The following ATXN1 variants were observed in gnomAD, a reference collection of about 807,000 sequenced individuals.
ATXN1 encodes ataxin 1.
In ATXN1, 8 loss-of-function variants were observed where a neutral mutation model predicts 56.4. That is an observed-to-expected ratio of 0.14 (90% CI 0.08 to 0.26). The LOEUF is 0.26. ATXN1 is among the 10% of genes least tolerant of loss of function. ATXN1 has a pLI of 1.00. For missense variants in ATXN1, 987 were observed against 1,106.5 expected, an observed-to-expected ratio of 0.89 and a Z score of 1.53; for synonymous variants, 514 against 494.6, an observed-to-expected ratio of 1.04 and a Z score of -0.52.
At chr6:16,599,837 C>T (rs1762882750) in intron 3 of ATXN1, among the ~76,000 whole-genome samples, 1 of 152,182 alleles carries the variant, frequency 6.6e-6, no homozygotes, top group South Asian at 2.1e-4. Context: ...AAGACATCAG[C>T]CCTTCTGTTC....
chr6:16,631,595 G>C (rs1763504226), intron 3 of ATXN1, among the ~76,000 whole-genome samples: 1 of 152,126 alleles, frequency 6.6e-6, no homozygotes, highest in Non-Finnish European at 1.5e-5. Flanking sequence ...AAGTCTCCAG[G>C]ATACCTGTCT....
At position 16,625,073 on chromosome 6, in the gene ATXN1, G is replaced by C. The variant is rs151215786; in HGVS notation, c.-489+32703C>G. Among the ~76,000 whole-genome samples the C allele has an allele frequency of 3.1e-3, 474 of 152,282 alleles. 3 individuals are homozygous for C. Among genetic ancestry groups the C allele is most frequent in the African/African-American group, 0.011 (443 of 41,570 alleles). On this transcript the variant is annotated intron_variant, in intron 3 of 7. Coordinates refer to ENST00000436367, the MANE Select transcript of ATXN1 (RefSeq NM_001128164.2). ...TTACTGGGAATGGAAAAACAGCCAA[G>C]CCTCTTTGATGCCATCCTTATGCCT...
intron 3 of ATXN1, among the ~76,000 whole-genome samples, chr6:16,634,330 C>T (rs1763556055): frequency 6.6e-6 from 1 of 152,138 alleles, no homozygotes. Context: ...GCAGGTTCTC[C>T]TCTTTTCTGG....
chr6:16,685,235 C>A (rs960856874), intron 2 of ATXN1, among the ~76,000 whole-genome samples: 2 of 152,198 alleles, frequency 1.3e-5, no homozygotes, highest in African/African-American at 4.8e-5. Flanking sequence ...TTGTAATACA[C>A]ACTGATCATA....
chr6:16,651,760 A>C (rs1763898412), intron 3 of ATXN1, among the ~76,000 whole-genome samples: 1 of 152,214 alleles, frequency 6.6e-6, no homozygotes, highest in Admixed American at 6.5e-5. Flanking sequence ...TTAAACTCTG[A>C]AGAGAAAGAG....
chr6:16,661,916 C>T (rs188510869), intron 2 of ATXN1, among the ~76,000 whole-genome samples: 17 of 152,278 alleles, frequency 1.1e-4, no homozygotes, highest in South Asian at 6.2e-4. Context: ...GAGCTAGAGA[C>T]ACCCAGCTAT....
chr6:16,561,850 G>A (rs1176842932), intron 4 of ATXN1, among the ~76,000 whole-genome samples: 1 of 152,110 alleles, frequency 6.6e-6, no homozygotes, highest in Non-Finnish European at 1.5e-5. Context: ...ATATAATTAT[G>A]GGGAAGCCTG....
intron 2 of ATXN1, among the ~76,000 whole-genome samples, chr6:16,705,309 G>A: frequency 6.6e-6 from 1 of 152,162 alleles, no homozygotes; most frequent in Non-Finnish European, 1.5e-5. Context: ...TCCTCTGTGA[G>A]GTGACTCAAC....
At chr6:16,700,989 A>AG (rs1408988210) in intron 2 of ATXN1, among the ~76,000 whole-genome samples, 1 of 152,048 alleles carries the variant, frequency 6.6e-6, no homozygotes, top group African/African-American at 2.4e-5. Context: ...TGGAAAAAAA[A>AG]AAAACAAAAA....
At chr6:16,540,057 G>A (rs1488501015) in intron 4 of ATXN1, among the ~76,000 whole-genome samples, 4 of 152,086 alleles carry the variant, frequency 2.6e-5, no homozygotes, top group Admixed American at 6.5e-5. Flanking sequence ...CTTTCCGCTC[G>A]AACACGGGAT....
intron 3 of ATXN1, among the ~76,000 whole-genome samples, chr6:16,607,528 G>A (rs1283976762): frequency 6.6e-6 from 1 of 152,142 alleles, no homozygotes; most frequent in African/African-American, 2.4e-5. Flanking sequence ...CTTCAAAATG[G>A]AATGTCAGTG....
rs148217315 is a variant in ATXN1, at chr6:16,630,246, G to A, written c.-489+27530C>T. ...CTTCTGCATTGTATGACTCTCTTGA[G>A]GCAAACAGGAAAAACCTGTATCTGC... is the stretch of plus-strand genomic sequence containing the variant. On this transcript the variant is annotated intron_variant, in intron 3 of 7. Coordinates refer to ENST00000436367, the MANE Select transcript of ATXN1 (RefSeq NM_001128164.2). 3.3e-4 allele frequency among the ~76,000 whole-genome samples: 51 copies of A among 152,260 alleles called. 2 individuals are homozygous for A. In the East Asian group the frequency reaches 7.7e-3, roughly 23 times the overall value.
intron 4 of ATXN1, among the ~76,000 whole-genome samples, chr6:16,525,500 T>C (rs546672960): frequency 2.7e-5 from 4 of 150,516 alleles, no homozygotes; most frequent in Non-Finnish European, 5.9e-5. Flanking sequence ...ACACAGAGAG[T>C]AGGAGGATGG....
intron 6 of ATXN1, among the ~76,000 whole-genome samples, chr6:16,345,910 T>TC (rs1399933270): frequency 1.3e-5 from 2 of 151,702 alleles, no homozygotes; most frequent in Non-Finnish European, 2.9e-5. Flanking sequence ...CTGCTCCTCC[T>TC]CCCCCAGCTC....
At chr6:16,666,902 A>G (rs1758440084) in intron 2 of ATXN1, 1 of 152,184 alleles carries the variant, frequency 6.6e-6, no homozygotes, top group Non-Finnish European at 1.5e-5. Context: ...AAGTACATGG[A>G]AAGAGATTCA....
At chr6:16,311,972 G>A (rs907770749) in intron 7 of ATXN1, among the ~76,000 whole-genome samples, 4 of 152,160 alleles carry the variant, frequency 2.6e-5, no homozygotes, top group East Asian at 1.9e-4. Flanking sequence ...CTGGTTCTGC[G>A]TGTTCCCGGA....
chr6:16,390,680 TCACACACACA>T (rs57705650), intron 6 of ATXN1, among the ~76,000 whole-genome samples: 1 of 147,158 alleles, frequency 6.8e-6, no homozygotes, highest in Non-Finnish European at 1.5e-5. Flanking sequence ...AATAAACACA[TCACACACACA>T]CACACACACA....
chr6:16,421,666 T>G (rs1561889477), intron 6 of ATXN1, among the ~76,000 whole-genome samples: 4 of 148,634 alleles, frequency 2.7e-5, no homozygotes, highest in South Asian at 2.2e-4. Flanking sequence ...GGGGGGGGCG[T>G]GAGTGTGCAT....
At chr6:16,336,381 T>C (rs1412624105) in intron 6 of ATXN1, among the ~76,000 whole-genome samples, 1 of 152,172 alleles carries the variant, frequency 6.6e-6, no homozygotes, top group Non-Finnish European at 1.5e-5. Context: ...CTGCACCATG[T>C]TGACTAATCA....
Sources: gnomAD v4.1 joint callset for allele counts (sites outside exome capture counted in the v4.1 genomes callset) on GRCh38, gnomAD v4.1.1 for gene constraint, MANE v1.5 for transcripts, NCBI Gene and HGNC (gene_info 2026-07-23, HGNC 2026-07-21) for gene names.